Variants in MYOF observed in about 807,000 individuals in gnomAD.
The protein encoded by MYOF is fer-1-like 3, myoferlin.
A neutral mutation model predicts 284.2 loss-of-function variants in MYOF; 244 were observed. The observed-to-expected ratio is 0.86, with a 90% CI of 0.77 to 0.95. The LOEUF (loss-of-function observed/expected upper bound fraction) is 0.95, where lower values mean the gene tolerates loss of function less well. MYOF is among the 40% of genes least tolerant of loss of function. The probability of loss-of-function intolerance (pLI) is 0.00; values close to 1 mark genes in which losing one functional copy is unlikely to be tolerated. For synonymous variants in MYOF, 904 were observed against 919.7 expected (o/e 0.98, Z 0.31); for missense variants, 2,496 against 2,560.6 (o/e 0.97, Z 0.54).
chr10:93,437,434 G>C (rs12269177), intron 3 of MYOF, among the ~76,000 whole-genome samples: 2,631 of 152,218 alleles, frequency 0.017, 86 homozygotes, highest in African/African-American at 0.06. Context: ...TCACGTATAC[G>C]AAGTTGTTCC....
At chr10:93,347,566 A>AAAAAAAAAAAAAT in intron 37 of MYOF, 51 bp downstream of exon 37, 51 of 1,221,594 alleles carry the variant, frequency 4.2e-5, no homozygotes, top group East Asian at 3.2e-4. Context: ...CTCAAAAAAA[A>AAAAAAAAAAAAAT]AAAAAAAAAA....
At chr10:93,386,411 A>T (rs1846367952) in intron 19 of MYOF, among the ~76,000 whole-genome samples, 1 of 152,180 alleles carries the variant, frequency 6.6e-6, no homozygotes. Flanking sequence ...GTGTCTCTTT[A>T]GTAAAAAAAC....
Position 93,460,980 on chromosome 10 carries a change from C to T in MYOF, c.89-4043G>A, listed in dbSNP as rs374365206. The stretch of plus-strand genomic sequence containing the variant: ...CATGGTGGTGGGCACCTGTAATCCC[C>T]GATACTCGGGTGGCTGAGGCAGGAG... On this transcript the variant is annotated intron_variant, in intron 1 of 53. Transcript: ENST00000359263. 4.1e-5 allele frequency among the ~76,000 whole-genome samples: 6 copies of T among 146,500 alleles called. No homozygotes were observed. The South Asian group carries it at 6.7e-4, about 16-fold the overall frequency.
At chr10:93,435,941 T>C (rs788090) in intron 3 of MYOF, among the ~76,000 whole-genome samples, 115,399 of 150,254 alleles carry the variant, frequency 0.77, 48,623 homozygotes, top group East Asian at 1. Flanking sequence ...TTTTCTCTCT[T>C]TTTTTTTTTA....
chr10:93,344,117 A>C (rs58280341), intron 37 of MYOF, among the ~76,000 whole-genome samples, 185 bp from the exon 38 acceptor site: 5,212 of 152,288 alleles, frequency 0.034, 317 homozygotes, highest in African/African-American at 0.12. Flanking sequence ...ACGTTTCCCC[A>C]AACATAATAT....
At chr10:93,407,737 CAAAAA>C (rs34172104) in intron 7 of MYOF, among the ~76,000 whole-genome samples, 3 of 95,156 alleles carry the variant, frequency 3.2e-5, no homozygotes, top group Non-Finnish European at 4.4e-5. Flanking sequence ...GACTCTGTCT[CAAAAA>C]AAAAAAAAAA....
At chr10:93,381,009 C>T (rs1291160500) in intron 20 of MYOF, among the ~76,000 whole-genome samples, 1 of 152,154 alleles carries the variant, frequency 6.6e-6, no homozygotes, top group African/African-American at 2.4e-5. Flanking sequence ...TGGGGTTCAG[C>T]CTCTGGCAAT....
chr10:93,335,387 C>G (rs2133823574), intron 41 of MYOF, among the ~76,000 whole-genome samples: 1 of 152,250 alleles, frequency 6.6e-6, no homozygotes, highest in East Asian at 1.9e-4. Context: ...TGTGAAAACC[C>G]AAGCAAAGCC....
At chr10:93,385,141 G>A (rs1423395443) in intron 19 of MYOF, among the ~76,000 whole-genome samples, 2 of 152,208 alleles carry the variant, frequency 1.3e-5, no homozygotes, top group East Asian at 3.8e-4. Flanking sequence ...GGAAAGAGGA[G>A]CAGGGAGAAA....
rs558146154 is a variant in MYOF at position 93,328,653 on chromosome 10, C to T, written c.5131+110G>A. 116 of 1,155,470 alleles carry T rather than the reference C, an allele frequency of 1.0e-4. 2 individuals are homozygous for T. In the South Asian group the frequency reaches 1.9e-3, roughly 19 times the overall value. The allele number at this position is 1,155,470 out of a possible 1,614,324, so 71.6% of individuals were successfully genotyped here. ...GTTGTTAGTGTCACGTGCACAGTCT[C>T]ATGTGGTATAATTAGGGTACTGGCT... On this transcript the variant is annotated intron_variant, in intron 45 of 53. Transcript: ENST00000359263.
intron 1 of MYOF, among the ~76,000 whole-genome samples, chr10:93,479,800 C>T (rs2057349126): frequency 6.6e-6 from 1 of 152,078 alleles, no homozygotes; most frequent in South Asian, 2.1e-4. Flanking sequence ...ATGACTTTAC[C>T]ACTCGATTTG....
At chr10:93,351,391 G>A in intron 34 of MYOF, 22 bp downstream of exon 34, 1 of 1,612,678 alleles carries the variant, frequency 6.2e-7, no homozygotes, top group Non-Finnish European at 8.5e-7. Context: ...CAGAATACAT[G>A]AGGAAGAACA....
intron 3 of MYOF, among the ~76,000 whole-genome samples, chr10:93,431,911 A>G (rs1474252062): frequency 6.6e-6 from 1 of 151,836 alleles, no homozygotes; most frequent in East Asian, 1.9e-4. Context: ...ACGCCCAGCT[A>G]ATTTTTGTAT....
intron 3 of MYOF, among the ~76,000 whole-genome samples, chr10:93,449,173 C>A (rs2056521694): frequency 6.6e-6 from 1 of 152,148 alleles, no homozygotes; most frequent in Non-Finnish European, 1.5e-5. Flanking sequence ...ATTCCAAAGC[C>A]TGAGTAAGAG....
chr10:93,355,771 G>C, intron 30 of MYOF, 35 bp from the exon 31 acceptor site: 1 of 1,519,440 alleles, frequency 6.6e-7, no homozygotes, highest in South Asian at 1.1e-5. Context: ...TAGCAGAGAA[G>C]TCAATAAACA....
intron 16 of MYOF, 32 bp from the exon 17 acceptor site, chr10:93,392,987 G>A (rs1461661454): frequency 1.3e-5 from 21 of 1,563,594 alleles, no homozygotes; most frequent in Non-Finnish European, 1.8e-5. Context: ...GGTTAAACAA[G>A]AAGAACACGG....
At chr10:93,331,096 TA>T (rs1161366396) in intron 43 of MYOF, among the ~76,000 whole-genome samples, 2 of 152,182 alleles carry the variant, frequency 1.3e-5, no homozygotes, top group African/African-American at 2.4e-5. Context: ...TACTAAGGAA[TA>T]TTTTTTTTTC....
chr10:93,337,727 G>C (rs1843681046), intron 40 of MYOF, 88 bp downstream of exon 40: 1 of 1,088,536 alleles, frequency 9.2e-7, no homozygotes, highest in African/African-American at 1.6e-5. Context: ...ACCCACCCAA[G>C]GGACCTTTTA....
intron 38 of MYOF, among the ~76,000 whole-genome samples, chr10:93,342,727 G>A (rs540045332): frequency 6.6e-6 from 1 of 152,346 alleles, no homozygotes; most frequent in South Asian, 2.1e-4. Flanking sequence ...GACTGACGAT[G>A]AGAGATGGCA....
Sources: gnomAD v4.1 joint callset for allele counts (sites outside exome capture counted in the v4.1 genomes callset) on GRCh38, gnomAD v4.1.1 for gene constraint, MANE v1.5 for transcripts, NCBI Gene and HGNC (gene_info 2026-07-23, HGNC 2026-07-21) for gene names.